TCF25: variants seen among roughly 807,000 people sequenced by gnomAD.
TCF25 encodes TCF25 ribosome quality control complex subunit.
A neutral mutation model predicts 83.1 loss-of-function variants in TCF25; 41 were observed. The observed-to-expected ratio is 0.49, with a 90% CI of 0.38 to 0.64. TCF25 has a LOEUF of 0.64. Ranked by LOEUF, TCF25 falls within the 30% of genes least tolerant of loss-of-function variation. TCF25 has a pLI of 0.00. For missense variants in TCF25, 979 were observed against 914.5 expected, an observed-to-expected ratio of 1.07 and a Z score of -0.91; for synonymous variants, 458 against 365.0, an observed-to-expected ratio of 1.25 and a Z score of -2.90.
chr16:89,874,519 C>G (rs1243450609), intron 1 of TCF25: 2 of 152,788 alleles, frequency 1.3e-5, no homozygotes, highest in East Asian at 3.9e-4. Flanking sequence ...CTGCCTAACC[C>G]AGGGCCTTGC....
intron 16 of TCF25, among the ~76,000 whole-genome samples, chr16:89,908,545 CCCACCTT>C (rs2045212658): frequency 7.3e-6 from 1 of 137,042 alleles, no homozygotes. Context: ...GCTCCCTCCT[CCCACCTT>C]CCAGTTCCCA....
chr16:89,906,183 C>T lies in TCF25; in HGVS notation c.1629-11C>T. The T allele has an allele frequency of 1.9e-6, 3 of 1,612,390 alleles. No homozygotes were observed. The highest frequency in any genetic ancestry group is 2.5e-6 in the Non-Finnish European group (3 of 1,179,528). On this transcript the variant is annotated splice_polypyrimidine_tract_variant and intron_variant, in intron 14 of 17. Transcript: ENST00000263346. Reference sequence around the variant, plus strand: ...CTTTATCTGCTGTGCCTTGTTTCTCCCCGGCCCTAGGCGGAAGGTGCTCTA... The same window carrying T: ...CTTTATCTGCTGTGCCTTGTTTCTCTCCGGCCCTAGGCGGAAGGTGCTCTA...
chr16:89,873,722 C>A lies in TCF25; in HGVS notation c.55C>A (p.Leu19Ile). The A allele has an allele frequency of 6.2e-7, 1 of 1,611,250 alleles. No homozygotes were observed. Among genetic ancestry groups the A allele is most frequent in the Non-Finnish European group, 8.5e-7 (1 of 1,179,388 alleles). Residue 19 changes from leucine (L) to isoleucine (I), a missense_variant, in exon 1 of 18, where the codon CTC (leucine) becomes ATC (isoleucine). By Grantham distance (5) the Leu-to-Ile change is conservative. Transcript: ENST00000263346. Reference sequence around the variant, plus strand: ...GGGGGAACAGCGCGGCCAGGAGCCCCTCGGGCCCGGCGCCTTGCATTTCGA... The same window carrying A: ...GGGGGAACAGCGCGGCCAGGAGCCCATCGGGCCCGGCGCCTTGCATTTCGA... ...LRGEQRGQEP[L>I]GPGALHFDLR...
rs752457998 is a variant in TCF25, at chr16:89,900,771, A to C, written c.1358A>C (p.Gln453Pro). The change falls in exon 12 of 18, where the codon CAG becomes CCG. Residue 453 changes from glutamine (Q) to proline (P), a missense_variant. Coordinates refer to ENST00000263346, the MANE Select transcript of TCF25 (RefSeq NM_014972.3). ...ARQKASLLIQ[Q>P]ALTMFPGVLL... ...CAGAAGGCCTCTCTCCTGATACAGC[A>C]GGCGCTCACCATGTTCCCTGGAGGT... 4.4e-6 allele frequency: 7 copies of C among 1,586,450 alleles called. No individual in the cohort carries two copies. The highest frequency in any genetic ancestry group is 2.6e-6 in the Non-Finnish European group (3 of 1,157,022).
chr16:89,900,576 C>T, intron 11 of TCF25, 59 bp from the exon 12 acceptor site: 1 of 1,505,758 alleles, frequency 6.6e-7, no homozygotes, highest in South Asian at 1.3e-5. Context: ...CGTCTGCAAA[C>T]TCACATATTT....
intron 13 of TCF25, chr16:89,904,515 A>AGGT (rs2044611665): frequency 2.0e-6 from 1 of 495,718 alleles, no homozygotes; most frequent in Non-Finnish European, 3.7e-6. Flanking sequence ...GGGAGGTCAA[A>AGGT]GGTACAGTGA....
chr16:89,893,647 A>C (rs1212649051), intron 6 of TCF25, 81 bp from the exon 7 acceptor site: 11 of 1,604,210 alleles, frequency 6.9e-6, no homozygotes, highest in Admixed American at 1.7e-5. Flanking sequence ...CATCCAGAAC[A>C]CCACGAAGGT....
At position 89,910,543 on chromosome 16, in the gene TCF25, C is replaced by T. The variant is rs189613505; in HGVS notation, c.1800-48C>T. On this transcript the variant is annotated intron_variant, in intron 16 of 17. Coordinates refer to ENST00000263346, the MANE Select transcript of TCF25 (RefSeq NM_014972.3). ...GCCCCGTGAGCCGGGTTGGGTCCCA[C>T]GAGTCTCAGTTCAGTGTCGTTTCTG... 2.2e-5 allele frequency: 35 copies of T among 1,601,172 alleles called. No individual in the cohort carries two copies. The East Asian group carries it at 5.6e-4, about 26-fold the overall frequency.
chr16:89,908,617 C>A (rs1158206893), intron 16 of TCF25, among the ~76,000 whole-genome samples: 2 of 116,930 alleles, frequency 1.7e-5, no homozygotes, highest in African/African-American at 6.5e-5. Context: ...TCCCAGCTCC[C>A]ACCTCCCAGC....
Position 89,904,196 on chromosome 16 carries a change from C to A in TCF25, c.1460C>A (p.Ala487Asp), listed in dbSNP as rs866183519. ...VSSHRFFGPN[A>D]EISQPPALSQ... ...AGTCACCGCTTCTTTGGACCCAATG[C>A]TGAAATAAGGTAAAGAGTGGCTGGT... The change falls in exon 13 of 18, where the codon GCT becomes GAT. Residue 487 changes from alanine (A) to aspartate (D), a missense_variant. Transcript: ENST00000263346. The A allele has an allele frequency of 6.3e-7, 1 of 1,577,408 alleles. No homozygotes were observed. The highest frequency in any genetic ancestry group is 1.8e-5 in the Admixed American group (1 of 54,858).
At chr16:89,898,371 CGCTGAGCAGTGTGT>C (rs2044039547) in intron 9 of TCF25, among the ~76,000 whole-genome samples, 172 bp from the exon 10 acceptor site, 3 of 131,778 alleles carry the variant, frequency 2.3e-5, no homozygotes, top group African/African-American at 8.0e-5. Context: ...TTGACTGGGG[CGCTGAGCAGTGTGT>C]GGGGTGGAGC....
intron 1 of TCF25, among the ~76,000 whole-genome samples, chr16:89,881,506 T>C (rs1267316432): frequency 6.8e-6 from 1 of 147,820 alleles, no homozygotes; most frequent in African/African-American, 2.6e-5. Flanking sequence ...AGTGCCGTTG[T>C]GTGATCATGG....
chr16:89,891,936 C>T (rs1405322804), intron 5 of TCF25, among the ~76,000 whole-genome samples: 1 of 152,128 alleles, frequency 6.6e-6, no homozygotes, highest in East Asian at 1.9e-4. Flanking sequence ...TCTCAAAGTG[C>T]TGGGATTACA....
intron 16 of TCF25, chr16:89,908,828 A>G (rs2045298997): frequency 2.2e-6 from 2 of 918,606 alleles, no homozygotes; most frequent in Non-Finnish European, 2.9e-6. Context: ...CCCAGCTCCC[A>G]GCTCCCACCT....
intron 3 of TCF25, 85 bp from the exon 4 acceptor site, chr16:89,885,763 C>A: frequency 8.5e-7 from 1 of 1,175,200 alleles, no homozygotes; most frequent in South Asian, 1.3e-5. Context: ...TAATAGGTCT[C>A]TTTTAAGATA....
At chr16:89,888,763 G>A (rs1445989015) in intron 5 of TCF25, among the ~76,000 whole-genome samples, 5 of 146,156 alleles carry the variant, frequency 3.4e-5, no homozygotes, top group African/African-American at 1.3e-4. Context: ...TGCAACCTCC[G>A]CCTCCTGGGT....
chr16:89,902,540 T>A lies in TCF25; in HGVS notation c.1382-1578T>A, dbSNP rs372037432. On this transcript the variant is annotated intron_variant, in intron 12 of 17. Coordinates refer to ENST00000263346, the MANE Select transcript of TCF25 (RefSeq NM_014972.3). ...ACGTCTCTACTAAAAATACAAAAAA[T>A]TAGCCGGGCGTGTTGGCCGGCACCT... 4.5e-3 allele frequency among the ~76,000 whole-genome samples: 656 copies of A among 146,036 alleles called. 20 individuals carry two copies. The South Asian group carries it at 0.063, about 14-fold the overall frequency.
chr16:89,873,970 G>C (rs1014678493), intron 1 of TCF25, 111 bp downstream of exon 1: 5 of 1,310,024 alleles, frequency 3.8e-6, no homozygotes, highest in Non-Finnish European at 3.0e-6. Flanking sequence ...GGTGGGAAGG[G>C]TGACGTGGGT....
At position 89,896,034 on chromosome 16, in the gene TCF25, A is replaced by C. The variant is rs371300321; in HGVS notation, c.973A>C (p.Ser325Arg). The C allele has an allele frequency of 2.5e-6, 4 of 1,613,810 alleles. No individual in the cohort carries two copies. In the Admixed American group the frequency reaches 6.7e-5, roughly 27 times the overall value. ...SMECAFHPLF[S>R]LTSGACRLDY... ...GGAATGTGCGTTCCACCCCCTGTTCAGTCTCACCAGTGGGGCCTGCCGGCT... is the reference window on the plus strand; with the variant it reads ...GGAATGTGCGTTCCACCCCCTGTTCCGTCTCACCAGTGGGGCCTGCCGGCT... Residue 325 changes from serine to arginine, a missense_variant, in exon 9 of 18, where the codon AGT becomes CGT. By Grantham distance (110) the Ser-to-Arg change is moderately radical. Transcript: ENST00000263346.
Sources: allele counts gnomAD v4.1 joint callset (sites outside exome capture counted in the v4.1 genomes callset), GRCh38; gene constraint gnomAD v4.1.1; transcripts MANE v1.5; gene names NCBI Gene and HGNC (gene_info 2026-07-23, HGNC 2026-07-21).